The following AGO2 variants were observed in gnomAD, a reference collection of about 807,000 sequenced individuals.
The protein encoded by AGO2 is argonaute RISC catalytic component 2, also known as protein argonaute-2.
In AGO2, 5 loss-of-function variants were observed where a neutral mutation model predicts 102.3. That is an observed-to-expected ratio of 0.05 (90% CI 0.03 to 0.10). The LOEUF (loss-of-function observed/expected upper bound fraction) is 0.10. Ranked by LOEUF, AGO2 falls within the 10% of genes least tolerant of loss-of-function variation. The pLI is 1.00. For missense variants in AGO2, 541 were observed against 1,183.7 expected, an observed-to-expected ratio of 0.46 and a Z score of 7.97; for synonymous variants, 449 against 473.1, an observed-to-expected ratio of 0.95 and a Z score of 0.66.
intron 10 of AGO2, among the ~76,000 whole-genome samples, chr8:140,554,932 T>C (rs1405227127): frequency 1.3e-5 from 2 of 152,072 alleles, no homozygotes; most frequent in Non-Finnish European, 2.9e-5. Flanking sequence ...CGTCTCAGCC[T>C]CCCGAAGTGC....
At chr8:140,626,960 G>C (rs545926679) in intron 1 of AGO2, 6 of 152,348 alleles carry the variant, frequency 3.9e-5, no homozygotes, top group African/African-American at 1.4e-4. Flanking sequence ...CTGCACACGA[G>C]CATGGGGCTG....
In AGO2 at chr8:140,562,546, G is replaced by T; in HGVS notation, c.425C>A (p.Ala142Glu). The part of the protein sequence containing the change: ...IKWVSCVSLQ[A>E]LHDALSGRLP... The stretch of plus-strand genomic sequence containing the variant: ...CCGCCCTGAAAGTGCATCGTGTAAC[G>T]CCTGCAAGCTCACGCAGGACACCCA... The change falls in exon 4 of 19, where the codon GCG becomes GAG. Residue 142 changes from alanine (A) to glutamate (E), a missense_variant. By Grantham distance (107) the Ala-to-Glu change is moderately radical (BLOSUM62 -1). Transcript: ENST00000220592. The T allele has an allele frequency of 1.9e-6, 3 of 1,614,122 alleles. No homozygotes were observed. The highest frequency in any genetic ancestry group is 2.5e-6 in the Non-Finnish European group (3 of 1,180,040).
upstream of AGO2, chr8:140,635,650 C>CGGGGCGGCGGGCG: frequency 2.3e-6 from 1 of 441,774 alleles, no homozygotes; most frequent in Non-Finnish European, 3.0e-6. Flanking sequence ...CCGACGCGGC[C>CGGGGCGGCGGGCG]GGGGCGGCGG....
rs754979574 is a variant in AGO2 at position 140,527,741 on chromosome 8, C to G, written c.*4303G>C. ...TATTGTACATTCCTTTTCTCATGAGCGTGAGAGATGGGTCAGAGAGAGGTC... is the reference window on the plus strand; with the variant it reads ...TATTGTACATTCCTTTTCTCATGAGGGTGAGAGATGGGTCAGAGAGAGGTC... On this transcript the variant is annotated 3_prime_UTR_variant, in exon 19 of 19. Coordinates refer to ENST00000220592, the MANE Select transcript of AGO2 (RefSeq NM_012154.5). This position sits in a 1 kb window ranked among gnomAD's most constrained non-coding sequence, Gnocchi z 6.0. 6.6e-6 allele frequency: 1 copy of G among 152,172 alleles called. No homozygotes were observed. Among genetic ancestry groups the G allele is most frequent in the Non-Finnish European group, 1.5e-5 (1 of 68,030 alleles). The allele number at this position is 152,172 out of a possible 1,614,324, so 9.4% of individuals were successfully genotyped here.
At chr8:140,586,027 T>C (rs1387235549) in intron 1 of AGO2, among the ~76,000 whole-genome samples, 1 of 152,246 alleles carries the variant, frequency 6.6e-6, no homozygotes, top group African/African-American at 2.4e-5. Flanking sequence ...TTCAAGGTTA[T>C]TAAACTCACT....
chr8:140,631,557 AAAG>A (rs1238254355), intron 1 of AGO2, among the ~76,000 whole-genome samples: 6 of 152,264 alleles, frequency 3.9e-5, no homozygotes, highest in Non-Finnish European at 8.8e-5. Flanking sequence ...AAAAGAAAAA[AAAG>A]AAGACGTAAA....
intron 1 of AGO2, among the ~76,000 whole-genome samples, chr8:140,602,498 G>A (rs969233223): frequency 5.3e-5 from 8 of 152,182 alleles, no homozygotes; most frequent in African/African-American, 1.7e-4. Flanking sequence ...TGTACATCAC[G>A]GTGGCGTTAG....
At chr8:140,547,443 C>T (rs757622822) in intron 13 of AGO2, 25 bp downstream of exon 13, 17 of 1,609,510 alleles carry the variant, frequency 1.1e-5, no homozygotes, top group South Asian at 6.6e-5. Context: ...GGTCCGCAGG[C>T]GGAGGTAAAG....
chr8:140,608,666 T>A (rs1212276876), intron 1 of AGO2, among the ~76,000 whole-genome samples: 2 of 152,190 alleles, frequency 1.3e-5, no homozygotes, highest in Non-Finnish European at 2.9e-5. Context: ...CACGGGGAAG[T>A]GCCATTCCCC....
chr8:140,553,561 C>A (rs1408915092), intron 10 of AGO2, among the ~76,000 whole-genome samples: 1 of 151,808 alleles, frequency 6.6e-6, no homozygotes, highest in Non-Finnish European at 1.5e-5. Flanking sequence ...AGGCATAGGC[C>A]ACCACACCCA....
chr8:140,640,405 C>T (rs2074433409), upstream of AGO2, among the ~76,000 whole-genome samples: 1 of 152,164 alleles, frequency 6.6e-6, no homozygotes, highest in South Asian at 2.1e-4. Flanking sequence ...GTCTGGCACA[C>T]TTACTTACAG....
intron 18 of AGO2, 97 bp from the exon 19 acceptor site, chr8:140,532,249 C>A: frequency 1.4e-6 from 2 of 1,423,532 alleles, no homozygotes; most frequent in Non-Finnish European, 9.8e-7. Context: ...TGGCGGGAAC[C>A]TGGGAGAGGG....
intron 6 of AGO2, 89 bp downstream of exon 6, chr8:140,559,306 A>G (rs2073157105): frequency 6.5e-7 from 1 of 1,528,392 alleles, no homozygotes; most frequent in African/African-American, 1.4e-5. Context: ...AAATGCGCAC[A>G]AGAACCAGAA....
chr8:140,557,321 G>C lies in AGO2; in HGVS notation c.879-85C>G. On this transcript the variant is annotated intron_variant, in intron 7 of 18. Transcript: ENST00000220592. The surrounding 1 kb of genome is among the most constrained non-coding windows in gnomAD (Gnocchi z 5.9). Reference sequence around the variant, plus strand: ...CTTTTCATTTGCGTTTGCTTTTTAGGGTGACGTGTGAGGAGCAAACATTCA... The same window carrying C: ...CTTTTCATTTGCGTTTGCTTTTTAGCGTGACGTGTGAGGAGCAAACATTCA... The C allele has an allele frequency of 6.7e-7, 1 of 1,497,048 alleles. No individual in the cohort carries two copies. Among genetic ancestry groups the C allele is most frequent in the Non-Finnish European group, 9.0e-7 (1 of 1,116,682 alleles). The allele number at this position is 1,497,048 out of a possible 1,614,324, so 92.7% of individuals were successfully genotyped here.
chr8:140,585,334 C>A, intron 1 of AGO2, 23 bp from the exon 2 acceptor site: 1 of 1,609,284 alleles, frequency 6.2e-7, no homozygotes, highest in South Asian at 1.1e-5. Context: ...AGAGAACACC[C>A]ATTAACGGGG....
intron 3 of AGO2, among the ~76,000 whole-genome samples, chr8:140,566,387 C>T (rs987790183): frequency 4.6e-5 from 7 of 152,232 alleles, no homozygotes; most frequent in Non-Finnish European, 1.0e-4. Context: ...ATTGCCCAGT[C>T]TTTATCAACA....
At chr8:140,554,382 C>T (rs2073058644) in intron 10 of AGO2, among the ~76,000 whole-genome samples, 1 of 152,214 alleles carries the variant, frequency 6.6e-6, no homozygotes, top group African/African-American at 2.4e-5. Flanking sequence ...ACAGACCCCC[C>T]CACGTGATGG....
chr8:140,635,841 C>T (rs1259661157), upstream of AGO2, among the ~76,000 whole-genome samples: 1 of 81,456 alleles, frequency 1.2e-5, no homozygotes. Context: ...GGCGGGGACC[C>T]GGGGAGGGGC....
At chr8:140,537,558 TC>T (rs2072719331) in intron 16 of AGO2, among the ~76,000 whole-genome samples, 1 of 152,206 alleles carries the variant, frequency 6.6e-6, no homozygotes, top group South Asian at 2.1e-4. Context: ...TACCTTGGCC[TC>T]CCAAAGTGGT....
Sources: allele counts gnomAD v4.1 joint callset (sites outside exome capture counted in the v4.1 genomes callset), GRCh38; gene constraint gnomAD v4.1.1; non-coding constraint Gnocchi (gnomAD v3.1); transcripts MANE v1.5; gene names NCBI Gene and HGNC (gene_info 2026-07-23, HGNC 2026-07-21).